The following ERMP1 variants were observed in gnomAD, a reference collection of about 807,000 sequenced individuals.
The protein encoded by ERMP1 is endoplasmic reticulum metallopeptidase 1, also known as Felix-ina.
In ERMP1, 86 loss-of-function variants were observed where a neutral mutation model predicts 92.0. The observed-to-expected ratio is 0.93, with a 90% CI of 0.79 to 1.12. ERMP1 has a LOEUF of 1.12. Among genes scored for constraint, ERMP1 ranks in the 50% most tolerant of loss-of-function variants. The probability of loss-of-function intolerance (pLI) is 0.00; values close to 1 mark genes in which losing one functional copy is unlikely to be tolerated. For missense variants in ERMP1, 1,342 were observed against 1,116.3 expected (o/e 1.20, Z -2.88); for synonymous variants, 530 against 412.8 (o/e 1.28, Z -3.44).
chr9:5,788,015 A>G (rs1828015160), intron 13 of ERMP1, among the ~76,000 whole-genome samples: 3 of 152,218 alleles, frequency 2.0e-5, no homozygotes. Flanking sequence ...ACACCTTAAA[A>G]TATGTTTTAC....
intron 6 of ERMP1, among the ~76,000 whole-genome samples, chr9:5,838,384 A>G (rs1036482643): frequency 6.6e-6 from 1 of 152,084 alleles, no homozygotes; most frequent in East Asian, 1.9e-4. Flanking sequence ...TCTACAAAAA[A>G]TACCAAAAAA....
In ERMP1 at chr9:5,797,836, T is replaced by C; in HGVS notation, c.2367A>G (p.Lys789=). 6.2e-7 allele frequency: 1 copy of C among 1,604,266 alleles called. No individual in the cohort carries two copies. The highest frequency in any genetic ancestry group is 8.5e-7 in the Non-Finnish European group (1 of 1,176,154). The change falls in exon 13 of 15, where the codon AAA becomes AAG. Residue 789 remains lysine, a synonymous_variant. Transcript: ENST00000339450. ...ACTTACCTGTTGCTTCAAAAGTCAA[T>C]TTTATAGAATCCCAAGGTGTCTGTT... ...SKEQTPWDSI[K]LTFEATGPSH...
intron 1 of ERMP1, among the ~76,000 whole-genome samples, chr9:5,831,435 A>G (rs1829935412): frequency 1.3e-5 from 2 of 152,008 alleles, no homozygotes; most frequent in African/African-American, 2.4e-5. Flanking sequence ...GTGAAACCCC[A>G]TCTCTTCTAA....
chr9:5,795,721 T>A (rs1828396914), intron 13 of ERMP1, among the ~76,000 whole-genome samples: 1 of 151,918 alleles, frequency 6.6e-6, no homozygotes, highest in Non-Finnish European at 1.5e-5. Context: ...GAGGTTGCCG[T>A]GAGCCGAGAT....
rs1184879375 is a variant in ERMP1, at chr9:5,818,686, C to T, written c.874+5210G>A. Among the ~76,000 whole-genome samples, 5 of 151,562 alleles carry T rather than the reference C, an allele frequency of 3.3e-5. 1 individual carries two copies. In the Middle Eastern group the frequency reaches 0.01, roughly 309 times the overall value. ...CATGACTGCTCCACCACATTCCAGCCTGGGCAACAAAGCAAGATCCTATCT... is the reference window on the plus strand; with the variant it reads ...CATGACTGCTCCACCACATTCCAGCTTGGGCAACAAAGCAAGATCCTATCT... On this transcript the variant is annotated intron_variant, in intron 4 of 14. Transcript: ENST00000339450.
At chr9:5,801,386 T>G in intron 10 of ERMP1, 58 bp from the exon 11 acceptor site, 1 of 1,533,908 alleles carries the variant, frequency 6.5e-7, no homozygotes, top group Admixed American at 2.0e-5. Context: ...GGTGGAAAGG[T>G]GTTTTTAACT....
intron 12 of ERMP1, among the ~76,000 whole-genome samples, chr9:5,798,183 C>T (rs1223450727): frequency 6.6e-6 from 1 of 152,142 alleles, no homozygotes; most frequent in Non-Finnish European, 1.5e-5. Context: ...CAGTCCTTCA[C>T]TGCCAAGCTA....
At chr9:5,816,757 C>T (rs970221769) in intron 4 of ERMP1, among the ~76,000 whole-genome samples, 1 of 152,070 alleles carries the variant, frequency 6.6e-6, no homozygotes, top group Non-Finnish European at 1.5e-5. Context: ...GACTAGTGTT[C>T]GGCAAGAAAA....
chr9:5,801,379 G>A, intron 10 of ERMP1, 51 bp from the exon 11 acceptor site: 1 of 1,557,598 alleles, frequency 6.4e-7, no homozygotes, highest in South Asian at 1.2e-5. Flanking sequence ...TTCTAGTGGT[G>A]GAAAGGTGTT....
chr9:5,829,219 CAA>C (rs546458492), intron 2 of ERMP1, among the ~76,000 whole-genome samples: 22 of 56,370 alleles, frequency 3.9e-4, no homozygotes, highest in Admixed American at 4.7e-4. Context: ...GCCCCCCAGC[CAA>C]AAAAAAAAAA....
At chr9:5,804,324 A>AC (rs1828788552) in intron 10 of ERMP1, among the ~76,000 whole-genome samples, 1 of 151,968 alleles carries the variant, frequency 6.6e-6, no homozygotes, top group Non-Finnish European at 1.5e-5. Context: ...CTTGGGGCTT[A>AC]CTCTGCTCAA....
At chr9:5,838,299 C>T (rs544037263) in intron 6 of ERMP1, among the ~76,000 whole-genome samples, 9 of 151,942 alleles carry the variant, frequency 5.9e-5, no homozygotes, top group East Asian at 1.9e-4. Flanking sequence ...TCCAGCACTT[C>T]GGAAGGTCGA....
rs758563885 is a variant in ERMP1, at chr9:5,812,857, T to C, written c.1021+32A>G. 9 of 1,613,368 alleles carry C rather than the reference T, an allele frequency of 5.6e-6. No homozygotes were observed. In the South Asian group the frequency reaches 8.8e-5, roughly 16 times the overall value. ...AAATTTGCTTTTGATAAATAAATGCTGCACAGTAGGCCGTAACCATTGACA... is the reference window on the plus strand; with the variant it reads ...AAATTTGCTTTTGATAAATAAATGCCGCACAGTAGGCCGTAACCATTGACA... On this transcript the variant is annotated intron_variant, in intron 5 of 14. Transcript: ENST00000339450.
intron 5 of ERMP1, among the ~76,000 whole-genome samples, chr9:5,865,486 C>T (rs555658561): frequency 9.5e-5 from 14 of 146,628 alleles, no homozygotes; most frequent in Admixed American, 8.3e-4. Flanking sequence ...CCAGCCTGGG[C>T]GACAGAGCAA....
intron 5 of ERMP1, among the ~76,000 whole-genome samples, chr9:5,865,381 G>T (rs182703647): frequency 0.014 from 2,126 of 152,108 alleles, 20 homozygotes; most frequent in South Asian, 0.032. Flanking sequence ...GGTGGCAGGC[G>T]CCTGTAGTCC....
chr9:5,826,351 T>C (rs148255539), intron 2 of ERMP1, among the ~76,000 whole-genome samples: 589 of 152,290 alleles, frequency 3.9e-3, no homozygotes, highest in African/African-American at 0.013. Context: ...CAAGAAAGAT[T>C]TGGAAGTAAA....
chr9:5,853,558 T>C (rs1424083274), intron 6 of ERMP1, among the ~76,000 whole-genome samples: 1 of 151,964 alleles, frequency 6.6e-6, no homozygotes, highest in African/African-American at 2.4e-5. Flanking sequence ...TTGTGTATGT[T>C]CCTAAATGTG....
intron 13 of ERMP1, 86 bp downstream of exon 13, chr9:5,797,731 G>A (rs1402869983): frequency 7.5e-6 from 6 of 798,956 alleles, no homozygotes; most frequent in African/African-American, 1.7e-5. Context: ...TGGTTCCTGT[G>A]ATATATCTGA....
chr9:5,832,856 C>G lies in ERMP1; in HGVS notation c.172G>C (p.Gly58Arg), dbSNP rs762003092. ...GTCCCCGCGCCCCTGCTCGCGCCGC[C>G]GCTACCCCCGGGGCTCCTCTTCCGC... Reference protein sequence around the residue: ...RTRKRSPGGSGGASRGAGTGL... With the variant: ...RTRKRSPGGSRGASRGAGTGL... The change falls in exon 1 of 15, where the codon GGC becomes CGC. Residue 58 changes from glycine to arginine, a missense_variant. Transcript: ENST00000339450. The G allele has an allele frequency of 2.3e-5, 35 of 1,511,892 alleles. No homozygotes were observed. The highest frequency in any genetic ancestry group is 2.9e-5 in the Non-Finnish European group (33 of 1,138,742). The allele number at this position is 1,511,892 out of a possible 1,614,324, so 93.7% of individuals were successfully genotyped here. A position where few individuals can be genotyped will look rare whatever the true frequency, so the allele number is the denominator to read the frequency against.
Sources: allele counts gnomAD v4.1 joint callset (sites outside exome capture counted in the v4.1 genomes callset), GRCh38; gene constraint gnomAD v4.1.1; transcripts MANE v1.5; gene names NCBI Gene and HGNC (gene_info 2026-07-23, HGNC 2026-07-21).